Variants in KCNQ2 observed in about 807,000 individuals in gnomAD.
KCNQ2 encodes the protein potassium voltage-gated channel subfamily Q member 2, also known as potassium voltage-gated channel subfamily KQT member 2.
In KCNQ2, 14 loss-of-function variants were observed where a neutral mutation model predicts 84.8. That is an observed-to-expected ratio of 0.17 (90% CI 0.11 to 0.26). The LOEUF is 0.26. Among genes scored for constraint, KCNQ2 ranks in the 10% least tolerant of loss-of-function variants. KCNQ2 has a pLI of 1.00. For synonymous variants in KCNQ2, 599 were observed against 554.1 expected (o/e 1.08, Z -1.14); for missense variants, 788 against 1,254.0 (o/e 0.63, Z 5.61).
chr20:63,456,807 C>T (rs1393728803), intron 1 of KCNQ2, among the ~76,000 whole-genome samples: 1 of 152,196 alleles, frequency 6.6e-6, no homozygotes, highest in Non-Finnish European at 1.5e-5. Flanking sequence ...TGGGGGGTCC[C>T]ACGCAGCCTC....
chr20:63,431,142 G>A (rs558156763), intron 9 of KCNQ2, among the ~76,000 whole-genome samples, 198 bp downstream of exon 9: 50 of 152,228 alleles, frequency 3.3e-4, no homozygotes, highest in African/African-American at 1.2e-3. Context: ...CTCCAGGCAG[G>A]GGAGGGCCCA....
intron 1 of KCNQ2, among the ~76,000 whole-genome samples, chr20:63,466,112 G>C (rs2082074959): frequency 6.6e-6 from 1 of 152,178 alleles, no homozygotes; most frequent in South Asian, 2.1e-4. Flanking sequence ...AGGATGCTGG[G>C]AACACGCCGG....
chr20:63,428,545 G>A (rs898840727), intron 9 of KCNQ2, 110 bp from the exon 10 acceptor site: 44 of 940,550 alleles, frequency 4.7e-5, no homozygotes, highest in Middle Eastern at 5.3e-4. Context: ...TCAGACACCC[G>A]GCGGCATGTG....
At chr20:63,426,048 G>T (rs952392217) in intron 10 of KCNQ2, among the ~76,000 whole-genome samples, 1 of 152,194 alleles carries the variant, frequency 6.6e-6, no homozygotes, top group East Asian at 1.9e-4. Context: ...CGGGAGCCTC[G>T]GGATCGTTCC....
rs180936043 is a variant in KCNQ2, at chr20:63,408,012, G to A, written c.1887+401C>T. The A allele has an allele frequency of 2.9e-4, 81 of 276,424 alleles. No homozygotes were observed. The highest frequency in any genetic ancestry group is 3.6e-4 in the South Asian group (9 of 25,028). The allele number at this position is 276,424 out of a possible 1,614,324, so 17.1% of individuals were successfully genotyped here. A position where few individuals can be genotyped will look rare whatever the true frequency, so the allele number is the denominator to read the frequency against. ...TCTCAGAAGCAGGCCCCAAAACAAG[G>A]GTCCTCTGCGGTGGTTCCTGAGAAT... On this transcript the variant is annotated intron_variant, in intron 16 of 16. Transcript: ENST00000359125. The surrounding 1 kb of genome is among the most constrained non-coding windows in gnomAD (Gnocchi z 5.0).
Position 63,447,843 on chromosome 20 carries a change from C to T in KCNQ2, c.297-1006G>A, listed in dbSNP as rs375022809. On this transcript the variant is annotated intron_variant, in intron 1 of 16. Transcript: ENST00000359125. ...AACACCTGGGCTCAAGTGATGCTCC[C>T]GCCTCGGCCCCCCAAAGGGCTGGGA... Among the ~76,000 whole-genome samples, 23 of 152,270 alleles carry T rather than the reference C, an allele frequency of 1.5e-4. No individual in the cohort carries two copies. The East Asian group carries it at 2.3e-3, about 15-fold the overall frequency.
intron 4 of KCNQ2, among the ~76,000 whole-genome samples, chr20:63,442,806 T>A (rs1167787951): frequency 3.1e-5 from 1 of 32,030 alleles, no homozygotes; most frequent in Non-Finnish European, 6.6e-5. Flanking sequence ...ACCACCACCA[T>A]TACCACCACC....
At chr20:63,471,864 G>A in intron 1 of KCNQ2, 1 of 352,080 alleles carries the variant, frequency 2.8e-6, no homozygotes, top group African/African-American at 2.1e-5. Flanking sequence ...GTTCGGCGCA[G>A]AGGCCGCGGG....
In KCNQ2 at chr20:63,414,990, C is replaced by T; in HGVS notation, c.1438G>A (p.Val480Met). 6.2e-7 allele frequency: 1 copy of T among 1,611,748 alleles called. No individual in the cohort carries two copies. The highest frequency in any genetic ancestry group is 8.5e-7 in the Non-Finnish European group (1 of 1,179,952). The change falls in exon 13 of 17, where the codon GTG (valine) becomes ATG (methionine). Residue 480 changes from valine (V) to methionine (M), a missense_variant. Around this residue, in one of 8 missense-constraint regions of KCNQ2, gnomAD observed 202 missense variants for 239.4 expected, o/e 0.84. Transcript: ENST00000359125. This position sits in a 1 kb window ranked among gnomAD's most constrained non-coding sequence, Gnocchi z 6.6. ...DQSLEDSPSK[V>M]PKSWSFGDRS... ...TCCCCGAAGCTCCAGCTCTTGGGCA[C>T]CTTGCTGGGGCTGTCCTCGAGGCTC...
chr20:63,435,678 C>T (rs915297861), intron 7 of KCNQ2, among the ~76,000 whole-genome samples: 2 of 152,210 alleles, frequency 1.3e-5, no homozygotes, highest in African/African-American at 4.8e-5. Context: ...CAAGGAATTC[C>T]TTATCAGGAA....
chr20:63,417,337 C>T (rs1434302854), intron 12 of KCNQ2, among the ~76,000 whole-genome samples: 1 of 152,264 alleles, frequency 6.6e-6, no homozygotes, highest in Non-Finnish European at 1.5e-5. Flanking sequence ...TAGGCCCCTC[C>T]TGACCCCGCT....
At chr20:63,462,563 A>C (rs1340383159) in intron 1 of KCNQ2, among the ~76,000 whole-genome samples, 1 of 152,188 alleles carries the variant, frequency 6.6e-6, no homozygotes, top group African/African-American at 2.4e-5. Context: ...TTTCCACAAA[A>C]ATGTAACTTT....
Position 63,425,253 on chromosome 20 carries a change from A to G in KCNQ2, c.1218-1047T>C, listed in dbSNP as rs931480093. 2.6e-5 allele frequency among the ~76,000 whole-genome samples: 4 copies of G among 152,170 alleles called. No homozygotes were observed. Among genetic ancestry groups the G allele is most frequent in the Non-Finnish European group, 5.9e-5 (4 of 68,020 alleles). The stretch of plus-strand genomic sequence containing the variant: ...GCTGCAAGGACCCTTTCTCCAAATC[A>G]GGTCACATTTGCAAATTCTGGGACA... On this transcript the variant is annotated intron_variant, in intron 10 of 16. Coordinates refer to ENST00000359125, the MANE Select transcript of KCNQ2 (RefSeq NM_172107.4). The surrounding 1 kb of genome is among the most constrained non-coding windows in gnomAD (Gnocchi z 5.5).
intron 1 of KCNQ2, among the ~76,000 whole-genome samples, chr20:63,466,117 C>T (rs6010943): frequency 0.3 from 45,321 of 152,028 alleles, 7,203 homozygotes; most frequent in East Asian, 0.59. Context: ...GCTGGGAACA[C>T]GCCGGAAGCC....
At position 63,457,471 on chromosome 20, in the gene KCNQ2, C is replaced by T. The variant is rs139526183; in HGVS notation, c.297-10634G>A. Reference sequence around the variant, plus strand: ...TAGCCTGATGCTCACGGCCTCCAAACGGCCTGGGCCTGCCTATGCCCGCCT... The same window carrying T: ...TAGCCTGATGCTCACGGCCTCCAAATGGCCTGGGCCTGCCTATGCCCGCCT... On this transcript the variant is annotated intron_variant, in intron 1 of 16. Coordinates refer to ENST00000359125, the MANE Select transcript of KCNQ2 (RefSeq NM_172107.4). Among the ~76,000 whole-genome samples the T allele has an allele frequency of 8.5e-4, 130 of 152,372 alleles. 4 individuals are homozygous for T. In the East Asian group the frequency reaches 0.024, roughly 28 times the overall value.
chr20:63,434,147 G>A (rs932973924), intron 7 of KCNQ2: 4 of 546,010 alleles, frequency 7.3e-6, no homozygotes, highest in Non-Finnish European at 1.3e-5. Flanking sequence ...GAGCGGTTGG[G>A]GCTTGACTCG....
At position 63,404,910 on chromosome 20, in the gene KCNQ2, A is replaced by C. The variant is rs1381788916; in HGVS notation, c.*1734T>G. On this transcript the variant is annotated 3_prime_UTR_variant, in exon 17 of 17. Coordinates refer to ENST00000359125, the MANE Select transcript of KCNQ2 (RefSeq NM_172107.4). ...GGTGAGGAGACAGCCCAGCGGAGGC[A>C]CCTCAATGGCGACAGGGCCTGGGAG... The C allele has an allele frequency of 6.6e-6, 1 of 152,222 alleles. No individual in the cohort carries two copies. Among genetic ancestry groups the C allele is most frequent in the Non-Finnish European group, 1.5e-5 (1 of 68,064 alleles). The allele number at this position is 152,222 out of a possible 1,614,324, so 9.4% of individuals were successfully genotyped here.
chr20:63,405,993 A>G lies in KCNQ2; in HGVS notation c.*651T>C, dbSNP rs1375819054. 1 of 152,112 alleles carries G rather than the reference A, an allele frequency of 6.6e-6. No individual in the cohort carries two copies. Among genetic ancestry groups the G allele is most frequent in the African/African-American group, 2.4e-5 (1 of 41,374 alleles). The allele number at this position is 152,112 out of a possible 1,614,324, so 9.4% of individuals were successfully genotyped here. On this transcript the variant is annotated 3_prime_UTR_variant, in exon 17 of 17. Transcript: ENST00000359125. ...TCCTCGGCTGCAGGCGAAGGTCTCCACCTCGGGGCTGGCTTCCATGGAAAG... is the reference window on the plus strand; with the variant it reads ...TCCTCGGCTGCAGGCGAAGGTCTCCGCCTCGGGGCTGGCTTCCATGGAAAG...
chr20:63,451,637 A>G (rs1189660102), intron 1 of KCNQ2, among the ~76,000 whole-genome samples: 1 of 152,214 alleles, frequency 6.6e-6, no homozygotes, highest in Admixed American at 6.5e-5. Context: ...CCTTCAGCCA[A>G]GAACAAGAGG....
Sources: allele counts gnomAD v4.1 joint callset (sites outside exome capture counted in the v4.1 genomes callset), GRCh38; gene constraint gnomAD v4.1.1; regional missense constraint gnomAD v4.1.1; non-coding constraint Gnocchi (gnomAD v3.1); transcripts MANE v1.5; gene names NCBI Gene and HGNC (gene_info 2026-07-23, HGNC 2026-07-21).